Variants in RNF40 observed in about 807,000 individuals in gnomAD.
RNF40 encodes the protein E3 ubiquitin-protein ligase BRE1B.
A neutral mutation model predicts 123.3 loss-of-function variants in RNF40; 39 were observed. The ratio of observed to expected loss-of-function variants is 0.32; its 90% CI spans 0.24 to 0.41. The LOEUF (loss-of-function observed/expected upper bound fraction) is 0.41, where lower values mean the gene tolerates loss of function less well. RNF40 is among the 10% of genes least tolerant of loss of function. The pLI is 1.00. For synonymous variants in RNF40, 538 were observed against 526.0 expected (o/e 1.02, Z -0.31); for missense variants, 1,003 against 1,319.9 (o/e 0.76, Z 3.72).
chr16:30,764,013 C>T (rs1158594111), intron 4 of RNF40, among the ~76,000 whole-genome samples, 166 bp from the exon 5 acceptor site: 1 of 152,152 alleles, frequency 6.6e-6, no homozygotes, highest in African/African-American at 2.4e-5. Context: ...AATTACTTTA[C>T]CTCCCTGAAT....
At chr16:30,773,898 G>C (rs1180754144) in intron 19 of RNF40, 40 bp from the exon 20 acceptor site, 1 of 1,584,868 alleles carries the variant, frequency 6.3e-7, no homozygotes, top group African/African-American at 1.3e-5. Flanking sequence ...TCTGGGCACT[G>C]TCAGAGTTGT....
chr16:30,768,203 G>A lies in RNF40; in HGVS notation c.1652G>A (p.Gly551Glu). 6.2e-7 allele frequency: 1 copy of A among 1,613,328 alleles called. No homozygotes were observed. Among genetic ancestry groups the A allele is most frequent in the Non-Finnish European group, 8.5e-7 (1 of 1,179,854 alleles). The change falls in exon 13 of 20, where the codon GGG becomes GAG. Residue 551 changes from glycine (G) to glutamate (E), a missense_variant. Physicochemically the swap from Gly to Glu is moderately conservative, Grantham distance 98 (BLOSUM62 -2). Transcript: ENST00000324685. This position sits in a 1 kb window ranked among gnomAD's most constrained non-coding sequence, Gnocchi z 4.1. ...CCAGCCCCAGGGAAAGAGGAGGGTG[G>A]GCCAGGCCCTGTCAGTACCCCCGAC... is the stretch of plus-strand genomic sequence containing the variant. ...SAPAPGKEEGGPGPVSTPDNR... is the reference protein window; with the variant it reads ...SAPAPGKEEGEPGPVSTPDNR...
At position 30,768,198 on chromosome 16, in the gene RNF40, G is replaced by T. The variant is rs2054074643; in HGVS notation, c.1647G>T (p.Glu549Asp). The T allele has an allele frequency of 6.2e-7, 1 of 1,613,352 alleles. No individual in the cohort carries two copies. Among genetic ancestry groups the T allele is most frequent in the South Asian group, 1.1e-5 (1 of 91,022 alleles). The change falls in exon 13 of 20, where the codon GAG becomes GAT. Residue 549 changes from glutamate to aspartate, a missense_variant. By Grantham distance (45) the Glu-to-Asp change is conservative. Coordinates refer to ENST00000324685, the MANE Select transcript of RNF40 (RefSeq NM_014771.4). The surrounding 1 kb of genome is among the most constrained non-coding windows in gnomAD (Gnocchi z 4.1). The part of the protein sequence containing the change: ...GVSAPAPGKE[E>D]GGPGPVSTPD... ...GTGCCCCAGCCCCAGGGAAAGAGGA[G>T]GGTGGGCCAGGCCCTGTCAGTACCC...
chr16:30,769,426 G>T (rs2054106436), intron 16 of RNF40, 28 bp downstream of exon 16: 2 of 1,614,098 alleles, frequency 1.2e-6, no homozygotes, highest in Admixed American at 1.7e-5. Context: ...TTGCAGACTG[G>T]AGCTGGAGAG....
rs748329697 is a variant in RNF40 at position 30,767,965 on chromosome 16, G to A, written c.1501G>A (p.Ala501Thr). The change falls in exon 12 of 20, where the codon GCC becomes ACC. Residue 501 changes from alanine (A) to threonine (T), a missense_variant. Around this residue, in one of 11 missense-constraint regions of RNF40, gnomAD observed 30 missense variants for 68.9 expected, o/e 0.44. Coordinates refer to ENST00000324685, the MANE Select transcript of RNF40 (RefSeq NM_014771.4). ...CCACAACCACCAGCTAAAAGGGGAC[G>A]CCCAGCGATACAAGCGGAAGCTTCG... ...QNHNHQLKGD[A>T]QRYKRKLREV... The A allele has an allele frequency of 1.9e-6, 3 of 1,614,192 alleles. No individual in the cohort carries two copies. Among genetic ancestry groups the A allele is most frequent in the Non-Finnish European group, 2.5e-6 (3 of 1,180,032 alleles).
At chr16:30,764,608 C>T (rs1006102770) in intron 5 of RNF40, among the ~76,000 whole-genome samples, 1 of 152,224 alleles carries the variant, frequency 6.6e-6, no homozygotes, top group Non-Finnish European at 1.5e-5. Flanking sequence ...TTGTTGATGC[C>T]GGTAGAGGCT....
At position 30,768,715 on chromosome 16, in the gene RNF40, G is replaced by C. The variant is rs764130782; in HGVS notation, c.2076G>C (p.Ala692=). The change falls in exon 14 of 20, where the codon GCG becomes GCC. Residue 692 remains alanine (A), a synonymous_variant. Transcript: ENST00000324685. The surrounding 1 kb of genome is among the most constrained non-coding windows in gnomAD (Gnocchi z 4.1). ...GGGATAAGGTGCAGCTCATGGCAGC[G>C]GAACGCAAGGCTAAGGCCGAGGTGA... ...EQRDKVQLMA[A]ERKAKAEVDE... is the part of the protein sequence containing the mutation. 1 of 1,614,036 alleles carries C rather than the reference G, an allele frequency of 6.2e-7. No individual in the cohort carries two copies. The highest frequency in any genetic ancestry group is 1.7e-5 in the Admixed American group (1 of 60,034).
At chr16:30,769,096 T>C (rs1480281353) in intron 15 of RNF40, 90 bp from the exon 16 acceptor site, 1 of 1,595,960 alleles carries the variant, frequency 6.3e-7, no homozygotes, top group African/African-American at 1.3e-5. Context: ...CCCTCTGTAG[T>C]TCTTTGCTTC....
Position 30,775,990 on chromosome 16 carries a change from G to C in RNF40, c.*1876G>C, listed in dbSNP as rs966594650. On this transcript the variant is annotated 3_prime_UTR_variant, in exon 20 of 20. Transcript: ENST00000324685. ...GCAGGGGAGGACATCGGGCCGCAGA[G>C]AAAGTGCCGATGGCCTGGGGCAGCG... The C allele has an allele frequency of 3.3e-5, 5 of 152,342 alleles. No individual in the cohort carries two copies. The highest frequency in any genetic ancestry group is 2.0e-4 in the Admixed American group (3 of 15,304). 9.4% of individuals were successfully genotyped at this position (152,342 alleles called of 1,614,324 possible). A position where few individuals can be genotyped will look rare whatever the true frequency, so the allele number is the denominator to read the frequency against.
In RNF40 at chr16:30,768,223, C is replaced by T. The variant is rs778997063; in HGVS notation, c.1672C>T (p.Pro558Ser). Reference protein sequence around the residue: ...EEGGPGPVSTPDNRKEMAPVP... With the variant: ...EEGGPGPVSTSDNRKEMAPVP... ...GGGTGGGCCAGGCCCTGTCAGTACC[C>T]CCGACAACAGAAAGGAGATGGCTCC... is the stretch of plus-strand genomic sequence containing the variant. The change falls in exon 13 of 20, where the codon CCC becomes TCC. Residue 558 changes from proline to serine, a missense_variant. This residue lies in a region of RNF40 where 295 missense variants were observed against 331.7 expected (regional missense o/e 0.89). Transcript: ENST00000324685. This position sits in a 1 kb window ranked among gnomAD's most constrained non-coding sequence, Gnocchi z 4.1. 2 of 1,613,786 alleles carry T rather than the reference C, an allele frequency of 1.2e-6. No individual in the cohort carries two copies. The highest frequency in any genetic ancestry group is 2.2e-5 in the East Asian group (1 of 44,866).
intron 11 of RNF40, 145 bp from the exon 12 acceptor site, chr16:30,767,749 C>T (rs2151330219): frequency 1.9e-6 from 2 of 1,026,998 alleles, no homozygotes; most frequent in East Asian, 2.4e-5. Flanking sequence ...GCATTATTTA[C>T]TTTGATGAGT....
chr16:30,762,397 A>AG, intron 1 of RNF40, 37 bp downstream of exon 1: 1 of 777,178 alleles, frequency 1.3e-6, no homozygotes, highest in Non-Finnish European at 1.9e-6. Flanking sequence ...GGGATCCAGC[A>AG]GGTGTGTGCA....
intron 17 of RNF40, among the ~76,000 whole-genome samples, chr16:30,771,426 G>A (rs2151334023): frequency 6.6e-6 from 1 of 152,072 alleles, no homozygotes; most frequent in Non-Finnish European, 1.5e-5. Context: ...GACCATCCTG[G>A]CTAACACGGT....
chr16:30,769,723 C>A, intron 17 of RNF40, 123 bp downstream of exon 17: 1 of 1,108,442 alleles, frequency 9.0e-7, no homozygotes, highest in Non-Finnish European at 1.2e-6. Context: ...GAACAGCTCA[C>A]ACATATTGAA....
rs2054202890 is a variant in RNF40, at chr16:30,774,631, T to C, written c.*517T>C. ...CGGCAGGGCTTCTGTCCTGTGGAGT[T>C]CCCTGGACACCTTGGTCTGGCTCTT... On this transcript the variant is annotated 3_prime_UTR_variant, in exon 20 of 20. Coordinates refer to ENST00000324685, the MANE Select transcript of RNF40 (RefSeq NM_014771.4). 1 of 282,904 alleles carries C rather than the reference T, an allele frequency of 3.5e-6. No individual in the cohort carries two copies. The highest frequency in any genetic ancestry group is 9.7e-5 in the East Asian group (1 of 10,258). 17.5% of individuals were successfully genotyped at this position (282,904 alleles called of 1,614,324 possible). A position where few individuals can be genotyped will look rare whatever the true frequency, so the allele number is the denominator to read the frequency against.
At chr16:30,770,617 G>A (rs2054131472) in intron 17 of RNF40, among the ~76,000 whole-genome samples, 1 of 152,150 alleles carries the variant, frequency 6.6e-6, no homozygotes. Context: ...GTCTAGCTTT[G>A]GCTAAAGGCT....
Position 30,769,406 on chromosome 16 carries a change from C to G in RNF40, c.2460+8C>G, listed in dbSNP as rs372033954. 4.3e-6 allele frequency: 7 copies of G among 1,614,168 alleles called. No individual in the cohort carries two copies. Among genetic ancestry groups the G allele is most frequent in the Non-Finnish European group, 5.9e-6 (7 of 1,180,036 alleles). ...CTTGGCCTCAAGTCCCAGGTATGGC[C>G]GCCGCCAGCTTGCAGACTGGAGCTG... is the stretch of plus-strand genomic sequence containing the variant. On this transcript the variant is annotated splice_region_variant and intron_variant, in intron 16 of 19. Transcript: ENST00000324685.
In RNF40 at chr16:30,776,285, A is replaced by G. The variant is rs1186523275; in HGVS notation, c.*2171A>G. ...ACTCTCCTCGTGGGTCTTCATACCT[A>G]ATAAAAGTCGGCATCAAACCACTTT... is the stretch of plus-strand genomic sequence containing the variant. On this transcript the variant is annotated 3_prime_UTR_variant, in exon 20 of 20. Transcript: ENST00000324685. 1 of 152,108 alleles carries G rather than the reference A, an allele frequency of 6.6e-6. No homozygotes were observed. Among genetic ancestry groups the G allele is most frequent in the Non-Finnish European group, 1.5e-5 (1 of 68,028 alleles). The allele number at this position is 152,108 out of a possible 1,614,324, so 9.4% of individuals were successfully genotyped here.
At chr16:30,764,893 C>G in intron 5 of RNF40, 45 bp from the exon 6 acceptor site, 1 of 1,585,510 alleles carries the variant, frequency 6.3e-7, no homozygotes, top group Non-Finnish European at 8.6e-7. Context: ...AGTTGTTTGC[C>G]CCATTGCCCT....
Sources: gnomAD v4.1 joint callset for allele counts (sites outside exome capture counted in the v4.1 genomes callset) on GRCh38, gnomAD v4.1.1 for gene constraint, gnomAD v4.1.1 regional missense constraint, Gnocchi (gnomAD v3.1) non-coding constraint, MANE v1.5 for transcripts, NCBI Gene and HGNC (gene_info 2026-07-23, HGNC 2026-07-21) for gene names.